The following TMPRSS11A variants were observed in gnomAD, a reference collection of about 807,000 sequenced individuals.
TMPRSS11A encodes the protein transmembrane protease serine 11A.
A neutral mutation model predicts 58.9 loss-of-function variants in TMPRSS11A; 53 were observed. The observed-to-expected ratio is 0.90, with a 90% CI of 0.72 to 1.13. TMPRSS11A has a LOEUF of 1.13. Among genes scored for constraint, TMPRSS11A ranks in the 50% most tolerant of loss-of-function variants. TMPRSS11A has a pLI of 0.00. For missense variants in TMPRSS11A, 493 were observed against 499.3 expected (o/e 0.99, Z 0.12); for synonymous variants, 167 against 169.8 (o/e 0.98, Z 0.13).
At chr4:67,913,684 A>C (rs1720065316) in intron 9 of TMPRSS11A, among the ~76,000 whole-genome samples, 1 of 152,076 alleles carries the variant, frequency 6.6e-6, no homozygotes, top group East Asian at 1.9e-4. Flanking sequence ...CTCCCTCCAC[A>C]TTATTAGCAA....
chr4:67,933,860 TGTAATTACCC>T (rs1316953841), intron 3 of TMPRSS11A, among the ~76,000 whole-genome samples: 1 of 152,186 alleles, frequency 6.6e-6, no homozygotes, highest in African/African-American at 2.4e-5. Flanking sequence ...AAGTTTGTTT[TGTAATTACCC>T]TCTGAATAAG....
intron 7 of TMPRSS11A, among the ~76,000 whole-genome samples, chr4:67,920,200 A>C (rs57438027): frequency 0.025 from 3,874 of 152,204 alleles, 155 homozygotes; most frequent in African/African-American, 0.089. Context: ...GTAGCAATGA[A>C]AGATCATCTA....
intron 1 of TMPRSS11A, among the ~76,000 whole-genome samples, chr4:67,947,950 G>A (rs1721065939): frequency 1.3e-5 from 2 of 152,208 alleles, no homozygotes; most frequent in Non-Finnish European, 1.5e-5. Flanking sequence ...GGCCCAGGTC[G>A]ACTAACTCCC....
Position 67,942,637 on chromosome 4 carries a change from G to A in TMPRSS11A, c.252+1882C>T, listed in dbSNP as rs150888736. Among the ~76,000 whole-genome samples, 715 of 152,290 alleles carry A rather than the reference G, an allele frequency of 4.7e-3. 5 individuals are homozygous for A. The highest frequency in any genetic ancestry group is 0.016 in the African/African-American group (676 of 41,546). Reference sequence around the variant, plus strand: ...AAATCCTCATGCATTGTAGATGGGCGTGCACACTGAGTCAGCCATTTTGAA... The same window carrying A: ...AAATCCTCATGCATTGTAGATGGGCATGCACACTGAGTCAGCCATTTTGAA... On this transcript the variant is annotated intron_variant, in intron 3 of 9. Coordinates refer to ENST00000508048, the MANE Select transcript of TMPRSS11A (RefSeq NM_001114387.2).
At chr4:67,919,936 A>T (rs911653354) in intron 7 of TMPRSS11A, among the ~76,000 whole-genome samples, 5 of 152,176 alleles carry the variant, frequency 3.3e-5, no homozygotes, top group African/African-American at 1.2e-4. Flanking sequence ...CTTAAATTTT[A>T]TTGAAGTGAT....
chr4:67,926,046 G>A (rs893969072), intron 5 of TMPRSS11A, among the ~76,000 whole-genome samples: 1 of 152,184 alleles, frequency 6.6e-6, no homozygotes, highest in African/African-American at 2.4e-5. Flanking sequence ...TCTGAGTTGG[G>A]AGAAAGCTAG....
intron 3 of TMPRSS11A, among the ~76,000 whole-genome samples, chr4:67,938,291 C>T (rs181644283): frequency 4.6e-5 from 7 of 152,096 alleles, no homozygotes; most frequent in African/African-American, 1.4e-4. Context: ...AAGTTCTTTA[C>T]AGATTCTGGA....
chr4:67,953,169 T>C (rs571273726), intron 1 of TMPRSS11A, among the ~76,000 whole-genome samples: 1 of 152,292 alleles, frequency 6.6e-6, no homozygotes, highest in Admixed American at 6.5e-5. Flanking sequence ...TAATGCTCAC[T>C]TGCCTACTGC....
chr4:67,923,578 C>T (rs1380453770), intron 6 of TMPRSS11A, among the ~76,000 whole-genome samples: 1 of 152,160 alleles, frequency 6.6e-6, no homozygotes, highest in Non-Finnish European at 1.5e-5. Flanking sequence ...GCAATCTTGG[C>T]TCACTGCAAC....
intron 6 of TMPRSS11A, 68 bp downstream of exon 6, chr4:67,924,060 G>T (rs6839279): frequency 0.15 from 199,038 of 1,297,812 alleles, 15,814 homozygotes; most frequent in East Asian, 0.22. Flanking sequence ...GCAAGTATGA[G>T]CAAATATTTG....
intron 8 of TMPRSS11A, among the ~76,000 whole-genome samples, chr4:67,916,379 G>T (rs1309798804): frequency 6.6e-6 from 1 of 151,890 alleles, no homozygotes; most frequent in Non-Finnish European, 1.5e-5. Context: ...ATATTTAAAA[G>T]TGCTCGGAAG....
chr4:67,914,645 A>T lies in TMPRSS11A; in HGVS notation c.1038T>A (p.Asp346Glu). ...CGGCACAGAACATTCCAGGTTTTAT[A>T]TCATTGCCATACACCTGTGGTTGCT... ...VCKQPQVYGN[D>E]IKPGMFCAGY... is the part of the protein sequence containing the mutation. The change falls in exon 9 of 10, where the codon GAT becomes GAA. Residue 346 changes from aspartate to glutamate, a missense_variant. Transcript: ENST00000508048. 1.9e-6 allele frequency: 3 copies of T among 1,613,596 alleles called. No homozygotes were observed. The highest frequency in any genetic ancestry group is 2.5e-6 in the Non-Finnish European group (3 of 1,179,600).
At chr4:67,959,461 G>C (rs1721371641) in intron 1 of TMPRSS11A, among the ~76,000 whole-genome samples, 1 of 152,034 alleles carries the variant, frequency 6.6e-6, no homozygotes. Flanking sequence ...ATCTGACAAA[G>C]GTCTAATACC....
chr4:67,955,224 G>T (rs1364297675), intron 1 of TMPRSS11A, among the ~76,000 whole-genome samples: 6 of 152,152 alleles, frequency 3.9e-5, no homozygotes, highest in Admixed American at 1.3e-4. Flanking sequence ...AAAGGAAGAT[G>T]CTGTTTAATT....
rs769174578 is a variant in TMPRSS11A at position 67,946,479 on chromosome 4, A to C, written c.104T>G (p.Ile35Arg). 2.2e-5 allele frequency: 35 copies of C among 1,608,442 alleles called. No individual in the cohort carries two copies. Among genetic ancestry groups the C allele is most frequent in the Non-Finnish European group, 2.9e-5 (34 of 1,177,394 alleles). Residue 35 changes from isoleucine (I) to arginine (R), a missense_variant, in exon 2 of 10, where the codon ATA becomes AGA. By Grantham distance (97) the Ile-to-Arg change is moderately conservative. Transcript: ENST00000508048. ...VLSLTVVAVTIGLLVHFLVFD... is the reference protein window; with the variant it reads ...VLSLTVVAVTRGLLVHFLVFD... Reference sequence around the variant, plus strand: ...TACTAGGAAGTGAACCAGGAGACCTATGGTCACTGCCACCACTGTCAGGGA... The same window carrying C: ...TACTAGGAAGTGAACCAGGAGACCTCTGGTCACTGCCACCACTGTCAGGGA...
intron 1 of TMPRSS11A, among the ~76,000 whole-genome samples, chr4:67,962,430 C>T (rs1458515680): frequency 1.3e-5 from 2 of 152,132 alleles, no homozygotes. Context: ...GAAGACTCGA[C>T]TCCAAGGAGT....
At chr4:67,941,026 T>G (rs1057448852) in intron 3 of TMPRSS11A, among the ~76,000 whole-genome samples, 2 of 152,172 alleles carry the variant, frequency 1.3e-5, no homozygotes, top group African/African-American at 4.8e-5. Context: ...TAATGTCTGA[T>G]TAATGGACCC....
At chr4:67,933,852 G>A (rs930067971) in intron 3 of TMPRSS11A, among the ~76,000 whole-genome samples, 4 of 152,138 alleles carry the variant, frequency 2.6e-5, no homozygotes, top group Non-Finnish European at 5.9e-5. Context: ...ATTTAAAGAA[G>A]TTTGTTTTGT....
chr4:67,914,653 C>G lies in TMPRSS11A; in HGVS notation c.1030G>C (p.Gly344Arg). ...DDVCKQPQVY[G>R]NDIKPGMFCA... ...AACATTCCAGGTTTTATATCATTGC[C>G]ATACACCTGTGGTTGCTTGCAGACA... Residue 344 changes from glycine (G) to arginine (R), a missense_variant, in exon 9 of 10, where the codon GGC becomes CGC. Gly to Arg is a moderately radical substitution (Grantham distance 125). Coordinates refer to ENST00000508048, the MANE Select transcript of TMPRSS11A (RefSeq NM_001114387.2). 6.2e-7 allele frequency: 1 copy of G among 1,613,506 alleles called. No homozygotes were observed. The highest frequency in any genetic ancestry group is 2.2e-5 in the East Asian group (1 of 44,810).
Sources: gnomAD v4.1 joint callset for allele counts (sites outside exome capture counted in the v4.1 genomes callset) on GRCh38, gnomAD v4.1.1 for gene constraint, MANE v1.5 for transcripts, NCBI Gene and HGNC (gene_info 2026-07-23, HGNC 2026-07-21) for gene names.